The following SAR1A variants were observed in gnomAD, a reference collection of about 807,000 sequenced individuals.
SAR1A encodes secretion associated Ras related GTPase 1A, also known as small COPII coat GTPase SAR1A.
A neutral mutation model predicts 22.6 loss-of-function variants in SAR1A; 6 were observed. That is an observed-to-expected ratio of 0.27 (90% CI 0.15 to 0.52). The LOEUF (loss-of-function observed/expected upper bound fraction) is 0.52. Among genes scored for constraint, SAR1A ranks in the 20% least tolerant of loss-of-function variants. SAR1A has a pLI of 0.96. For synonymous variants in SAR1A, 70 were observed against 82.2 expected, an observed-to-expected ratio of 0.85 and a Z score of 0.80; for missense variants, 145 against 245.1, an observed-to-expected ratio of 0.59 and a Z score of 2.73.
rs1839509914 is a variant in SAR1A at position 70,163,919 on chromosome 10, CACAG to C, written c.-16-1992_-16-1989del. On this transcript the variant is annotated intron_variant, in intron 1 of 6. Coordinates refer to ENST00000373241, the MANE Select transcript of SAR1A (RefSeq NM_020150.5). Reference sequence around the variant, plus strand: ...CAATGATGGCAAGAAAAATGAAAGACACAGACAGTGAAGAAGAAATTAGAGAAAC... The same window carrying C: ...CAATGATGGCAAGAAAAATGAAAGACACAGTGAAGAAGAAATTAGAGAAAC... The C allele has an allele frequency of 6.3e-6, 10 of 1,597,900 alleles. 1 individual carries two copies. The highest frequency in any genetic ancestry group is 2.2e-5 in the East Asian group (1 of 44,796).
chr10:70,155,495 C>T (rs1839376790), intron 5 of SAR1A, among the ~76,000 whole-genome samples: 1 of 152,160 alleles, frequency 6.6e-6, no homozygotes, highest in Non-Finnish European at 1.5e-5. Flanking sequence ...GTCCTTCATT[C>T]ATTAAGCAAC....
intron 5 of SAR1A, among the ~76,000 whole-genome samples, chr10:70,155,849 T>C (rs1277262489): frequency 1.3e-5 from 2 of 152,174 alleles, no homozygotes; most frequent in Non-Finnish European, 2.9e-5. Context: ...TAGTTCAAGG[T>C]AGGCAGTAAA....
Position 70,161,755 on chromosome 10 carries a change from T to C in SAR1A, c.59-17A>G, listed in dbSNP as rs1430062795. Reference sequence around the variant, plus strand: ...TGTACAGTCCTAAAAGAGAAAAAAATTGTTAACACATTTGCTCTCTACAGA... The same window carrying C: ...TGTACAGTCCTAAAAGAGAAAAAAACTGTTAACACATTTGCTCTCTACAGA... On this transcript the variant is annotated splice_polypyrimidine_tract_variant and intron_variant, in intron 2 of 6. Coordinates refer to ENST00000373241, the MANE Select transcript of SAR1A (RefSeq NM_020150.5). 3 of 1,613,684 alleles carry C rather than the reference T, an allele frequency of 1.9e-6. No homozygotes were observed. Among genetic ancestry groups the C allele is most frequent in the East Asian group, 4.5e-5 (2 of 44,866 alleles).
chr10:70,163,714 T>A, intron 1 of SAR1A: 1 of 807,398 alleles, frequency 1.2e-6, no homozygotes, highest in South Asian at 1.4e-5. Flanking sequence ...AGGAGCAGAT[T>A]GTAGAATTCA....
intron 5 of SAR1A, among the ~76,000 whole-genome samples, chr10:70,156,743 T>C (rs1266069200): frequency 1.3e-5 from 2 of 150,408 alleles, no homozygotes; most frequent in Non-Finnish European, 2.9e-5. Flanking sequence ...GCTATAGATG[T>C]GAGAAACATA....
intron 5 of SAR1A, among the ~76,000 whole-genome samples, chr10:70,154,229 C>A (rs1308689231): frequency 6.6e-6 from 1 of 152,184 alleles, no homozygotes; most frequent in Non-Finnish European, 1.5e-5. Flanking sequence ...AGCAGAACTG[C>A]CCCAATATTA....
Position 70,151,837 on chromosome 10 carries a change from C to T in SAR1A, c.*639G>A, listed in dbSNP as rs1839330228. On this transcript the variant is annotated 3_prime_UTR_variant, in exon 7 of 7. Coordinates refer to ENST00000373241, the MANE Select transcript of SAR1A (RefSeq NM_020150.5). Reference sequence around the variant, plus strand: ...TTACCACAGTGGAAACCTGCCACAACTGCAAGGCCGGGGTTCTGCCCCTTT... The same window carrying T: ...TTACCACAGTGGAAACCTGCCACAATTGCAAGGCCGGGGTTCTGCCCCTTT... 6.5e-6 allele frequency: 1 copy of T among 153,322 alleles called. No homozygotes were observed. Among genetic ancestry groups the T allele is most frequent in the African/African-American group, 2.4e-5 (1 of 41,434 alleles). 9.5% of individuals were successfully genotyped at this position (153,322 alleles called of 1,614,324 possible).
intron 6 of SAR1A, among the ~76,000 whole-genome samples, chr10:70,152,797 CCTTT>C (rs1290864752): frequency 6.6e-6 from 1 of 152,238 alleles, no homozygotes; most frequent in Admixed American, 6.5e-5. Context: ...CTATTCCCAG[CCTTT>C]CTCTCTCTGA....
intron 1 of SAR1A, chr10:70,163,618 A>T: frequency 1.4e-6 from 1 of 695,912 alleles, no homozygotes; most frequent in Non-Finnish European, 2.7e-6. Flanking sequence ...AAATCAGTCC[A>T]AGTGGAGCAA....
rs1839264974 is a variant in SAR1A at position 70,147,348 on chromosome 10, C to T, written c.*5128G>A. 1 of 152,168 alleles carries T rather than the reference C, an allele frequency of 6.6e-6. No homozygotes were observed. Among genetic ancestry groups the T allele is most frequent in the Admixed American group, 6.5e-5 (1 of 15,272 alleles). 9.4% of individuals were successfully genotyped at this position (152,168 alleles called of 1,614,324 possible). A position where few individuals can be genotyped will look rare whatever the true frequency, so the allele number is the denominator to read the frequency against. ...TTTACAGTGTGCACATTTCACATAA[C>T]ATAACCACCAGCCAGGATTTATCTA... On this transcript the variant is annotated 3_prime_UTR_variant, in exon 7 of 7. Coordinates refer to ENST00000373241, the MANE Select transcript of SAR1A (RefSeq NM_020150.5).
chr10:70,161,998 C>T, intron 1 of SAR1A, 67 bp from the exon 2 acceptor site: 2 of 1,136,580 alleles, frequency 1.8e-6, no homozygotes, highest in Non-Finnish European at 1.3e-6. Context: ...GAGAGGTTAA[C>T]TCTTGTTCCC....
At chr10:70,165,328 T>A (rs1022242394) in intron 1 of SAR1A, among the ~76,000 whole-genome samples, 9 of 151,898 alleles carry the variant, frequency 5.9e-5, no homozygotes, top group African/African-American at 2.2e-4. Flanking sequence ...GACTGATTTC[T>A]CTGCTGGATC....
intron 1 of SAR1A, among the ~76,000 whole-genome samples, 156 bp downstream of exon 1, chr10:70,170,257 C>T (rs1396445813): frequency 6.6e-6 from 1 of 151,826 alleles, no homozygotes; most frequent in Admixed American, 6.6e-5. Flanking sequence ...TGTCCCGTCC[C>T]CGCCCAGAAT....
rs144831202 is a variant in SAR1A, at chr10:70,157,234, C to T, written c.348+530G>A. Among the ~76,000 whole-genome samples the T allele has an allele frequency of 6.7e-3, 1,017 of 152,050 alleles. 11 individuals are homozygous for T. The highest frequency in any genetic ancestry group is 0.024 in the African/African-American group (975 of 41,464). On this transcript the variant is annotated intron_variant, in intron 5 of 6. Coordinates refer to ENST00000373241, the MANE Select transcript of SAR1A (RefSeq NM_020150.5). ...CCTGACTAACATGGTGAAACTCCGT[C>T]GCTACTAAAAATACAAAAAACTAGC... is the stretch of plus-strand genomic sequence containing the variant.
chr10:70,156,671 T>TA (rs34673042), intron 5 of SAR1A, among the ~76,000 whole-genome samples: 64 of 135,994 alleles, frequency 4.7e-4, no homozygotes, highest in African/African-American at 8.8e-4. Flanking sequence ...AGATTCTGTT[T>TA]AAAAAAAAAA....
chr10:70,150,659 T>C lies in SAR1A; in HGVS notation c.*1817A>G, dbSNP rs1474041769. The C allele has an allele frequency of 1.3e-5, 2 of 152,230 alleles. No homozygotes were observed. Among genetic ancestry groups the C allele is most frequent in the African/African-American group, 4.8e-5 (2 of 41,458 alleles). 9.4% of individuals were successfully genotyped at this position (152,230 alleles called of 1,614,324 possible). On this transcript the variant is annotated 3_prime_UTR_variant, in exon 7 of 7. Transcript: ENST00000373241. The stretch of plus-strand genomic sequence containing the variant: ...CTTTAACCAAAGGAAATTAAAAATA[T>C]GCAAGTTATATTACCTAGTTCATTC...
At chr10:70,157,700 A>G (rs746650610) in intron 5 of SAR1A, 64 bp downstream of exon 5, 1 of 1,286,038 alleles carries the variant, frequency 7.8e-7, no homozygotes, top group South Asian at 1.3e-5. Context: ...ATTCCTTAAA[A>G]AAAAATAGAG....
At chr10:70,165,543 A>T (rs1839537009) in intron 1 of SAR1A, among the ~76,000 whole-genome samples, 1 of 152,226 alleles carries the variant, frequency 6.6e-6, no homozygotes, top group South Asian at 2.1e-4. Flanking sequence ...CAGCAAGAGA[A>T]CTAGAATTAG....
chr10:70,159,885 A>AACCAAAG (rs1839445657), intron 4 of SAR1A, among the ~76,000 whole-genome samples: 1 of 152,244 alleles, frequency 6.6e-6, no homozygotes, highest in African/African-American at 2.4e-5. Flanking sequence ...GGAATCTGGA[A>AACCAAAG]ACCAAAGACA....
Sources: gnomAD v4.1 joint callset for allele counts (sites outside exome capture counted in the v4.1 genomes callset) on GRCh38, gnomAD v4.1.1 for gene constraint, MANE v1.5 for transcripts, NCBI Gene and HGNC (gene_info 2026-07-23, HGNC 2026-07-21) for gene names.